The following RUNX1 variants were observed in gnomAD, a reference collection of about 807,000 sequenced individuals.
RUNX1 encodes runt-related transcription factor 1.
Under a neutral mutation model 42.8 loss-of-function variants are expected in RUNX1, and 19 were observed. That is an observed-to-expected ratio of 0.44 (90% confidence interval 0.31 to 0.65). The LOEUF is 0.65. Ranked by LOEUF, RUNX1 falls within the 30% of genes least tolerant of loss-of-function variation. The pLI is 0.07. For missense variants in RUNX1, 528 were observed against 672.0 expected, an observed-to-expected ratio of 0.79 and a Z score of 2.37; for synonymous variants, 271 against 289.4, an observed-to-expected ratio of 0.94 and a Z score of 0.64.
intron 2 of RUNX1, among the ~76,000 whole-genome samples, chr21:35,018,603 T>C (rs1296483175): frequency 6.6e-6 from 1 of 152,232 alleles, no homozygotes; most frequent in Admixed American, 6.5e-5. Context: ...TGTGATCTGA[T>C]ATCGTTTGAA....
At chr21:34,864,594 C>A (rs1423144388) in intron 5 of RUNX1, among the ~76,000 whole-genome samples, 1 of 152,198 alleles carries the variant, frequency 6.6e-6, no homozygotes, top group Non-Finnish European at 1.5e-5. Flanking sequence ...TGCTGGAAGT[C>A]GGCAGCTCTT....
chr21:35,021,677 G>A (rs901201920), intron 2 of RUNX1, among the ~76,000 whole-genome samples: 2 of 152,212 alleles, frequency 1.3e-5, no homozygotes, highest in Admixed American at 1.3e-4. Flanking sequence ...AGCATGAGAA[G>A]TACCTGCAGG....
chr21:34,871,131 C>G (rs542056325), intron 5 of RUNX1, among the ~76,000 whole-genome samples: 11 of 152,284 alleles, frequency 7.2e-5, no homozygotes, highest in African/African-American at 2.6e-4. Context: ...CTCCTGAGCA[C>G]ATCTTCCTTT....
At chr21:34,948,104 G>C (rs1441789564) in intron 2 of RUNX1, among the ~76,000 whole-genome samples, 1 of 150,990 alleles carries the variant, frequency 6.6e-6, no homozygotes, top group Non-Finnish European at 1.5e-5. Flanking sequence ...TTTTTTTGGG[G>C]GGGGGTTTCA....
chr21:34,912,247 A>T (rs2058278289), intron 2 of RUNX1, among the ~76,000 whole-genome samples: 2 of 148,712 alleles, frequency 1.3e-5, no homozygotes, highest in South Asian at 4.4e-4. Flanking sequence ...CAAGGAGATG[A>T]TGACTGCCAG....
intron 2 of RUNX1, among the ~76,000 whole-genome samples, chr21:34,956,966 G>A (rs762152136): frequency 4.6e-5 from 7 of 152,146 alleles, no homozygotes; most frequent in African/African-American, 9.7e-5. Flanking sequence ...TGATTTCCAC[G>A]TGGCAGGGCC....
intron 8 of RUNX1, among the ~76,000 whole-genome samples, chr21:34,794,324 T>C (rs2145886510): frequency 6.6e-6 from 1 of 152,286 alleles, no homozygotes; most frequent in South Asian, 2.1e-4. Flanking sequence ...CATGGCTCAG[T>C]AGCAACTGCT....
chr21:34,834,629 G>A, intron 6 of RUNX1, 28 bp from the exon 7 acceptor site: 1 of 1,077,444 alleles, frequency 9.3e-7, no homozygotes, highest in Non-Finnish European at 1.4e-6. Context: ...GAGGGGAGGG[G>A]ATGGGGGGAG....
intron 2 of RUNX1, among the ~76,000 whole-genome samples, chr21:34,994,820 G>T (rs2058981165): frequency 6.6e-6 from 1 of 152,188 alleles, no homozygotes; most frequent in South Asian, 2.1e-4. Context: ...GATATAGACT[G>T]ACCTAAGAAA....
At chr21:34,805,776 G>A (rs2056670727) in intron 7 of RUNX1, among the ~76,000 whole-genome samples, 1 of 152,082 alleles carries the variant, frequency 6.6e-6, no homozygotes, top group South Asian at 2.1e-4. Flanking sequence ...GTAAAATTAA[G>A]TTTTATTTTT....
chr21:34,944,197 G>T (rs926419741), intron 2 of RUNX1, among the ~76,000 whole-genome samples: 1 of 152,066 alleles, frequency 6.6e-6, no homozygotes, highest in African/African-American at 2.4e-5. Flanking sequence ...TTTTGTAAAG[G>T]TGGGGTCTCA....
rs185188464 is a variant in RUNX1, at chr21:34,933,279, G to A, written c.59-40316C>T. 2.2e-3 allele frequency among the ~76,000 whole-genome samples: 330 copies of A among 152,282 alleles called. 5 individuals carry two copies. Among genetic ancestry groups the A allele is most frequent in the African/African-American group, 7.5e-3 (313 of 41,540 alleles). Reference sequence around the variant, plus strand: ...TTAGTGCATGAGTACTGTGAGATGCGTCCTTGTTACATGCTACAAGTAGCC... The same window carrying A: ...TTAGTGCATGAGTACTGTGAGATGCATCCTTGTTACATGCTACAAGTAGCC... On this transcript the variant is annotated intron_variant, in intron 2 of 8. Coordinates refer to ENST00000675419, the MANE Select transcript of RUNX1 (RefSeq NM_001754.5).
chr21:34,827,266 A>C (rs1295268758), intron 7 of RUNX1, among the ~76,000 whole-genome samples: 2 of 152,240 alleles, frequency 1.3e-5, no homozygotes, highest in Non-Finnish European at 2.9e-5. Context: ...GAAATACTTA[A>C]GCAGCAAAGC....
intron 2 of RUNX1, among the ~76,000 whole-genome samples, chr21:35,044,901 G>T (rs1004999018): frequency 2.0e-5 from 3 of 152,332 alleles, no homozygotes; most frequent in Non-Finnish European, 4.4e-5. Flanking sequence ...AATCGGGTCA[G>T]TTGCTGTTTC....
intron 7 of RUNX1, among the ~76,000 whole-genome samples, chr21:34,803,342 TC>T (rs1463696041): frequency 6.6e-6 from 1 of 151,938 alleles, no homozygotes; most frequent in African/African-American, 2.4e-5. Flanking sequence ...GGTTAGGAGA[TC>T]GAGACCATCC....
At chr21:34,866,391 CA>C (rs1050507381) in intron 5 of RUNX1, among the ~76,000 whole-genome samples, 2 of 152,216 alleles carry the variant, frequency 1.3e-5, no homozygotes, top group African/African-American at 4.8e-5. Context: ...GGAAATCCCA[CA>C]AGATCCTGAA....
At chr21:34,938,082 T>A (rs756512994) in intron 2 of RUNX1, among the ~76,000 whole-genome samples, 4 of 152,228 alleles carry the variant, frequency 2.6e-5, no homozygotes, top group Non-Finnish European at 5.9e-5. Context: ...TACATTTTGA[T>A]TAATAGGAGC....
intron 7 of RUNX1, among the ~76,000 whole-genome samples, chr21:34,807,257 C>A (rs76255206): frequency 0.015 from 2,353 of 152,248 alleles, 71 homozygotes; most frequent in African/African-American, 0.054. Flanking sequence ...AGACCCCTCC[C>A]GGCCCTCCTC....
intron 2 of RUNX1, among the ~76,000 whole-genome samples, chr21:34,987,037 C>A (rs1254059773): frequency 6.6e-6 from 1 of 152,156 alleles, no homozygotes; most frequent in Non-Finnish European, 1.5e-5. Context: ...GGCTGCATGC[C>A]CAGGTAAGTG....
Sources: allele counts gnomAD v4.1 joint callset (sites outside exome capture counted in the v4.1 genomes callset), GRCh38; gene constraint gnomAD v4.1.1; transcripts MANE v1.5; gene names NCBI Gene and HGNC (gene_info 2026-07-23, HGNC 2026-07-21).